The following CDIN1 variants were observed in gnomAD, a reference collection of about 807,000 sequenced individuals.
The protein encoded by CDIN1 is CDAN1-interacting nuclease 1.
In CDIN1, 33 loss-of-function variants were observed where a neutral mutation model predicts 45.3. That is an observed-to-expected ratio of 0.73 (90% CI 0.55 to 0.97). The LOEUF (loss-of-function observed/expected upper bound fraction) is 0.97. CDIN1 is among the 50% of genes least tolerant of loss of function. The pLI is 0.00. For missense variants in CDIN1, 303 were observed against 339.4 expected, an observed-to-expected ratio of 0.89 and a Z score of 0.84; for synonymous variants, 118 against 124.4, an observed-to-expected ratio of 0.95 and a Z score of 0.34.
chr15:36,632,622 C>A (rs2039726084), intron 1 of CDIN1, among the ~76,000 whole-genome samples: 2 of 152,308 alleles, frequency 1.3e-5, no homozygotes, highest in East Asian at 3.9e-4. Context: ...TTGTGGGATC[C>A]CCCATGCATA....
intron 10 of CDIN1, among the ~76,000 whole-genome samples, chr15:36,750,120 G>T (rs2053419801): frequency 6.6e-6 from 1 of 151,942 alleles, no homozygotes; most frequent in Admixed American, 6.6e-5. Context: ...CACAGGAGAG[G>T]GGAAGAAGAA....
intron 1 of CDIN1, chr15:36,591,764 A>G (rs919516900): frequency 6.6e-6 from 1 of 152,232 alleles, no homozygotes; most frequent in Non-Finnish European, 1.5e-5. Flanking sequence ...TAATTTGGTC[A>G]AATCTGTTAA....
intron 10 of CDIN1, among the ~76,000 whole-genome samples, chr15:36,777,602 G>A (rs1342477723): frequency 6.6e-6 from 1 of 152,108 alleles, no homozygotes; most frequent in African/African-American, 2.4e-5. Flanking sequence ...CATCAAGTTT[G>A]CATCTCAAGG....
chr15:36,712,258 T>G (rs1345244159), intron 10 of CDIN1, among the ~76,000 whole-genome samples: 1 of 137,276 alleles, frequency 7.3e-6, no homozygotes, highest in Non-Finnish European at 1.5e-5. Context: ...TATAGACTAA[T>G]GCTTTTTTTT....
rs2039032772 is a variant in CDIN1, at chr15:36,619,121, A to T, written c.102-25157A>T. On this transcript the variant is annotated intron_variant, in intron 1 of 10. Transcript: ENST00000566621. ...CCAGAAGCAAGGGCTAGTAAGGATT[A>T]TTCTGGCTTCTGAGGCCATACCATT... is the stretch of plus-strand genomic sequence containing the variant. The T allele has an allele frequency of 3.7e-6, 4 of 1,081,544 alleles. No homozygotes were observed. In the East Asian group the frequency reaches 9.4e-5, roughly 25 times the overall value. 67.0% of individuals were successfully genotyped at this position (1,081,544 alleles called of 1,614,324 possible). A position where few individuals can be genotyped will look rare whatever the true frequency, so the allele number is the denominator to read the frequency against.
chr15:36,765,073 T>TTTTTTA (rs55720281), intron 10 of CDIN1, among the ~76,000 whole-genome samples: 1 of 150,638 alleles, frequency 6.6e-6, no homozygotes, highest in Non-Finnish European at 1.5e-5. Flanking sequence ...TTTTTTTTTT[T>TTTTTTA]TAGATGGAGT....
intron 1 of CDIN1, among the ~76,000 whole-genome samples, chr15:36,643,543 G>A (rs112208760): frequency 0.03 from 4,611 of 152,302 alleles, 81 homozygotes; most frequent in Middle Eastern, 0.048. Context: ...GGTATTGATT[G>A]CTTTTTAGAG....
intron 1 of CDIN1, among the ~76,000 whole-genome samples, chr15:36,611,458 A>G (rs1055581328): frequency 1.3e-5 from 2 of 152,212 alleles, no homozygotes; most frequent in Non-Finnish European, 2.9e-5. Context: ...ATGTGTAGCT[A>G]TTTAATGTAC....
chr15:36,689,573 A>G (rs1262549571), intron 5 of CDIN1, among the ~76,000 whole-genome samples: 1 of 152,214 alleles, frequency 6.6e-6, no homozygotes, highest in Non-Finnish European at 1.5e-5. Context: ...GGCAGGCCAG[A>G]GAGAGTTCCC....
At chr15:36,619,221 A>G (rs1338630291) in intron 1 of CDIN1, 6 of 1,322,196 alleles carry the variant, frequency 4.5e-6, no homozygotes, top group South Asian at 1.8e-5. Flanking sequence ...AGGGAGTGAC[A>G]TGACGTAATG....
intron 10 of CDIN1, among the ~76,000 whole-genome samples, chr15:36,757,622 C>G (rs1244152687): frequency 6.6e-6 from 1 of 152,146 alleles, no homozygotes; most frequent in Non-Finnish European, 1.5e-5. Context: ...ACTCATGAGT[C>G]ATCCCCTTGC....
intron 1 of CDIN1, among the ~76,000 whole-genome samples, chr15:36,619,914 T>A (rs74844388): frequency 1.4e-5 from 2 of 145,964 alleles, no homozygotes; most frequent in African/African-American, 5.0e-5. Flanking sequence ...CTTGAGTAGA[T>A]TTTTTTTTTT....
rs9744647 is a variant in CDIN1, at chr15:36,697,029, G to T, written c.477-294G>T. On this transcript the variant is annotated intron_variant, in intron 7 of 10. Transcript: ENST00000566621. ...AGTCCCTGCTACCCAGGAGGCTGAG[G>T]TGGGAGGATTGCTTGAGCCCAGGAG... Among the ~76,000 whole-genome samples the T allele has an allele frequency of 0.14, 20,972 of 151,524 alleles. 1,507 individuals carry two copies. Among genetic ancestry groups the T allele is most frequent in the East Asian group, 0.24 (1,233 of 5,120 alleles).
intron 10 of CDIN1, among the ~76,000 whole-genome samples, chr15:36,800,903 G>GTATATA (rs1372710724): frequency 4.2e-3 from 84 of 19,976 alleles, no homozygotes; most frequent in African/African-American, 6.1e-3. Flanking sequence ...GTGTGTGTGT[G>GTATATA]TGTGTGTATA....
intron 1 of CDIN1, among the ~76,000 whole-genome samples, chr15:36,590,966 C>T (rs2037543128): frequency 6.6e-6 from 1 of 152,166 alleles, no homozygotes; most frequent in Admixed American, 6.5e-5. Flanking sequence ...ATTTATGAAT[C>T]AGTGTTTGTC....
chr15:36,590,465 A>G (rs561222829), intron 1 of CDIN1, among the ~76,000 whole-genome samples: 1 of 152,332 alleles, frequency 6.6e-6, no homozygotes, highest in South Asian at 2.1e-4. Flanking sequence ...TAGCTGTTCA[A>G]TGAAATATGT....
In CDIN1 at chr15:36,808,757, T is replaced by C. The variant is rs1217477095; in HGVS notation, c.*304T>C. On this transcript the variant is annotated 3_prime_UTR_variant, in exon 11 of 11. Transcript: ENST00000566621. ...CTTTCTTCCGGATGGTTTATCCTTG[T>C]ATGCTGAACAAAAGAAAAAATGTGA... 2.2e-6 allele frequency: 1 copy of C among 459,474 alleles called. No individual in the cohort carries two copies. The highest frequency in any genetic ancestry group is 4.2e-6 in the Non-Finnish European group (1 of 238,990). 28.5% of individuals were successfully genotyped at this position (459,474 alleles called of 1,614,324 possible).
At chr15:36,610,439 C>A (rs1200529619) in intron 1 of CDIN1, among the ~76,000 whole-genome samples, 3 of 152,146 alleles carry the variant, frequency 2.0e-5, no homozygotes, top group Admixed American at 6.5e-5. Flanking sequence ...TGTAGTATAT[C>A]ATCTTCTTTG....
At chr15:36,613,092 G>A (rs540236171) in intron 1 of CDIN1, among the ~76,000 whole-genome samples, 25 of 152,286 alleles carry the variant, frequency 1.6e-4, no homozygotes, top group African/African-American at 6.0e-4. Flanking sequence ...TAATTGTTAG[G>A]CACCACGGTG....
Sources: gnomAD v4.1 joint callset for allele counts (sites outside exome capture counted in the v4.1 genomes callset) on GRCh38, gnomAD v4.1.1 for gene constraint, MANE v1.5 for transcripts, NCBI Gene and HGNC (gene_info 2026-07-23, HGNC 2026-07-21) for gene names.